Variants in CDC42BPA observed in about 807,000 individuals in gnomAD.
CDC42BPA encodes CDC42 binding protein kinase alpha.
CDC42BPA carries 80 observed loss-of-function variants against 223.5 expected under a neutral mutation model. That is an observed-to-expected ratio of 0.36 (90% CI 0.30 to 0.43). CDC42BPA has a LOEUF of 0.43. CDC42BPA is among the 20% of genes least tolerant of loss of function. The pLI is 1.00. For missense variants in CDC42BPA, 1,743 were observed against 2,099.9 expected (o/e 0.83, Z 3.32); for synonymous variants, 694 against 718.6 (o/e 0.97, Z 0.55).
At chr1:227,008,355 ATCT>A (rs542988955) in intron 34 of CDC42BPA, among the ~76,000 whole-genome samples, 61 of 152,364 alleles carry the variant, frequency 4.0e-4, no homozygotes, top group African/African-American at 1.4e-3. Flanking sequence ...AAAGATGACT[ATCT>A]TCTTTGCTAT....
chr1:227,126,879 CTCA>C (rs1386880505), intron 11 of CDC42BPA, among the ~76,000 whole-genome samples: 2 of 152,148 alleles, frequency 1.3e-5, no homozygotes, highest in Non-Finnish European at 2.9e-5. Flanking sequence ...GAATGTTCTT[CTCA>C]TCATTCTTCT....
At chr1:227,177,478 T>C (rs562325821) in intron 5 of CDC42BPA, among the ~76,000 whole-genome samples, 42 of 152,328 alleles carry the variant, frequency 2.8e-4, no homozygotes, top group Admixed American at 3.9e-4. Flanking sequence ...CATTTTTTTT[T>C]CCCTGTATGT....
chr1:227,118,104 G>A (rs770791223), intron 12 of CDC42BPA, among the ~76,000 whole-genome samples: 14 of 152,080 alleles, frequency 9.2e-5, no homozygotes, highest in African/African-American at 3.4e-4. Flanking sequence ...AGACTAGATT[G>A]GCCAAAAGTA....
intron 1 of CDC42BPA, among the ~76,000 whole-genome samples, chr1:227,303,897 C>T (rs1692103621): frequency 6.6e-6 from 1 of 152,136 alleles, no homozygotes. Context: ...TCCATCATCA[C>T]CAGACTCTAA....
chr1:227,254,229 CTTAG>C (rs1558879685), intron 1 of CDC42BPA, 74 bp from the exon 2 acceptor site: 2 of 721,308 alleles, frequency 2.8e-6, no homozygotes, highest in Admixed American at 3.1e-5. Context: ...AATGGTGTTT[CTTAG>C]TTACACAAAA....
At chr1:227,193,369 T>C (rs1191665253) in intron 5 of CDC42BPA, among the ~76,000 whole-genome samples, 1 of 152,062 alleles carries the variant, frequency 6.6e-6, no homozygotes, top group Non-Finnish European at 1.5e-5. Flanking sequence ...CGAGAACTTT[T>C]TTTTTCATAG....
At chr1:227,048,711 T>A (rs1228298065) in intron 22 of CDC42BPA, among the ~76,000 whole-genome samples, 1 of 137,236 alleles carries the variant, frequency 7.3e-6, no homozygotes, top group East Asian at 2.1e-4. Context: ...TGGATGTTAT[T>A]ATGGGGAAAA....
At chr1:227,000,803 C>T (rs1196235934) in intron 35 of CDC42BPA, among the ~76,000 whole-genome samples, 1 of 148,950 alleles carries the variant, frequency 6.7e-6, no homozygotes, top group Non-Finnish European at 1.5e-5. Flanking sequence ...TACATTCAAA[C>T]ACTACAACCT....
intron 1 of CDC42BPA, among the ~76,000 whole-genome samples, chr1:227,261,312 C>T (rs1000406033): frequency 1.3e-5 from 2 of 150,518 alleles, no homozygotes; most frequent in Non-Finnish European, 2.9e-5. Context: ...GACGGGGTTT[C>T]ACCATGTTGG....
intron 21 of CDC42BPA, among the ~76,000 whole-genome samples, chr1:227,064,599 A>C (rs1676592463): frequency 6.6e-6 from 1 of 152,154 alleles, no homozygotes; most frequent in African/African-American, 2.4e-5. Context: ...TTTATTACCT[A>C]GAGAAAGAGG....
At chr1:227,287,764 G>C (rs1257835902) in intron 1 of CDC42BPA, among the ~76,000 whole-genome samples, 1 of 152,180 alleles carries the variant, frequency 6.6e-6, no homozygotes, top group Non-Finnish European at 1.5e-5. Context: ...CAATACATAA[G>C]ACGTATGGTG....
intron 23 of CDC42BPA, among the ~76,000 whole-genome samples, chr1:227,047,299 G>A (rs956741526): frequency 1.3e-5 from 2 of 151,658 alleles, no homozygotes; most frequent in Non-Finnish European, 2.9e-5. Flanking sequence ...TGTTCTATCT[G>A]GCCTTAAAAT....
intron 1 of CDC42BPA, among the ~76,000 whole-genome samples, chr1:227,261,011 A>G (rs1683944421): frequency 1.3e-5 from 2 of 151,116 alleles, no homozygotes; most frequent in South Asian, 2.1e-4. Context: ...TACAGGTGGT[A>G]TATTTGAGAC....
chr1:227,199,059 T>G lies in CDC42BPA; in HGVS notation c.450+498A>C, dbSNP rs117455374. Among the ~76,000 whole-genome samples, 333 of 152,350 alleles carry G rather than the reference T, an allele frequency of 2.2e-3. 9 individuals carry two copies. In the East Asian group the frequency reaches 0.046, roughly 21 times the overall value. On this transcript the variant is annotated intron_variant, in intron 4 of 36. Transcript: ENST00000366766. Reference sequence around the variant, plus strand: ...CACCGCATCCGGCCTATTTAAATGTTTCTTAAAGTTGTATCAAAAAAAATC... The same window carrying G: ...CACCGCATCCGGCCTATTTAAATGTGTCTTAAAGTTGTATCAAAAAAAATC...
At position 227,161,137 on chromosome 1, in the gene CDC42BPA, C is replaced by A. The variant is rs374117231; in HGVS notation, c.600-501G>T. On this transcript the variant is annotated intron_variant, in intron 5 of 36. Coordinates refer to ENST00000366766, the MANE Select transcript of CDC42BPA (RefSeq NM_001394014.1). ...TGATTTTACAGAAGAACTAAAACAA[C>A]TGCCTAATAGACTGTCTATATTATT... Among the ~76,000 whole-genome samples, 7 of 152,174 alleles carry A rather than the reference C, an allele frequency of 4.6e-5. No individual in the cohort carries two copies. The East Asian group carries it at 1.2e-3, about 25-fold the overall frequency.
chr1:227,281,674 C>A (rs1019734183), intron 1 of CDC42BPA, among the ~76,000 whole-genome samples: 1 of 146,054 alleles, frequency 6.8e-6, no homozygotes, highest in African/African-American at 2.8e-5. Context: ...ACCCTCCCAA[C>A]CACTAGCCTG....
chr1:227,006,144 A>G (rs1663993767), intron 34 of CDC42BPA, among the ~76,000 whole-genome samples: 1 of 152,106 alleles, frequency 6.6e-6, no homozygotes, highest in Non-Finnish European at 1.5e-5. Context: ...TCCCAGCCTC[A>G]TGTAAGCATC....
intron 2 of CDC42BPA, among the ~76,000 whole-genome samples, chr1:227,217,198 G>A (rs1161407341): frequency 1.3e-5 from 2 of 152,030 alleles, no homozygotes; most frequent in African/African-American, 4.8e-5. Context: ...TGTAATCCCA[G>A]CACTTTGGGA....
rs1666216455 is a variant in CDC42BPA at position 227,172,188 on chromosome 1, A to G, written c.600-11552T>C. On this transcript the variant is annotated intron_variant, in intron 5 of 36. Coordinates refer to ENST00000366766, the MANE Select transcript of CDC42BPA (RefSeq NM_001394014.1). The stretch of plus-strand genomic sequence containing the variant: ...TTACATCACCAACAGCCTTTCTGTC[A>G]GTCAGAAATTAGAATTCTTTATGGA... Among the ~76,000 whole-genome samples the G allele has an allele frequency of 2.6e-5, 4 of 152,238 alleles. No individual in the cohort carries two copies. In the South Asian group the frequency reaches 8.3e-4, roughly 31 times the overall value.
Sources: allele counts gnomAD v4.1 joint callset (sites outside exome capture counted in the v4.1 genomes callset), GRCh38; gene constraint gnomAD v4.1.1; transcripts MANE v1.5; gene names NCBI Gene and HGNC (gene_info 2026-07-23, HGNC 2026-07-21).